Variants in LTBP2 observed in about 807,000 individuals in gnomAD.
LTBP2 encodes the protein latent transforming growth factor beta binding protein 2, also known as latent-transforming growth factor beta-binding protein 2.
In LTBP2, 103 loss-of-function variants were observed where a neutral mutation model predicts 210.6. The observed-to-expected ratio is 0.49, with a 90% CI of 0.42 to 0.58. The LOEUF (loss-of-function observed/expected upper bound fraction) is 0.58, where lower values mean the gene tolerates loss of function less well. LTBP2 is among the 20% of genes least tolerant of loss of function. The pLI is 0.00. For missense variants in LTBP2, 2,313 were observed against 2,494.5 expected (o/e 0.93, Z 1.55); for synonymous variants, 1,007 against 1,015.0 (o/e 0.99, Z 0.15).
At chr14:74,599,972 T>C (rs961248681) in intron 2 of LTBP2, among the ~76,000 whole-genome samples, 2 of 152,204 alleles carry the variant, frequency 1.3e-5, no homozygotes, top group Non-Finnish European at 2.9e-5. Context: ...GTGAAACTGC[T>C]AGGACAGAAT....
rs748534998 is a variant in LTBP2, at chr14:74,611,791, G to A, written c.154C>T (p.Arg52Ter). Residue 52 changes from arginine (R) to a stop codon, truncating the protein, a stop_gained, in exon 1 of 36, where the codon CGA becomes TGA. Transcript: ENST00000261978. LOFTEE classifies it high-confidence loss of function. ...TAGCTGCCCCCAGGGCGCCGCAGTC[G>A]ATTCGCGTCTCCACCAGCCGGCTCG... is the stretch of plus-strand genomic sequence containing the variant. Reference protein sequence around the residue: ...RYEPAGGDANRLRRPGGSYPA... With the variant: ...RYEPAGGDAN The A allele has an allele frequency of 1.2e-6, 2 of 1,610,896 alleles. No individual in the cohort carries two copies. The highest frequency in any genetic ancestry group is 1.7e-6 in the Non-Finnish European group (2 of 1,179,602).
chr14:74,553,089 G>A (rs1469852295), intron 4 of LTBP2, 27 bp from the exon 5 acceptor site: 3 of 1,612,340 alleles, frequency 1.9e-6, no homozygotes, highest in Non-Finnish European at 2.5e-6. Context: ...TGGGTCCAGG[G>A]GGCAGGGCTG....
In LTBP2 at chr14:74,585,999, G is replaced by C; in HGVS notation, c.685C>G (p.Pro229Ala). Residue 229 changes from proline to alanine, a missense_variant, in exon 3 of 36, where the codon CCC becomes GCC. Pro to Ala is a conservative substitution (Grantham distance 27). Transcript: ENST00000261978. ...EEVIPDEEFDPQNSRLAPRRW... is the reference protein window; with the variant it reads ...EEVIPDEEFDAQNSRLAPRRW... The stretch of plus-strand genomic sequence containing the variant: ...CGAGGTGCCAGCCTGGAGTTCTGGG[G>C]GTCAAATTCCTCATCGGGAATGACC... 6.2e-7 allele frequency: 1 copy of C among 1,611,266 alleles called. No individual in the cohort carries two copies. The highest frequency in any genetic ancestry group is 8.5e-7 in the Non-Finnish European group (1 of 1,178,904).
intron 3 of LTBP2, among the ~76,000 whole-genome samples, chr14:74,562,536 T>C (rs1566639754): frequency 6.6e-6 from 1 of 151,928 alleles, no homozygotes; most frequent in Non-Finnish European, 1.5e-5. Flanking sequence ...AAGATGAGTC[T>C]CCATAATATC....
intron 8 of LTBP2, among the ~76,000 whole-genome samples, chr14:74,545,460 G>A (rs1057393219): frequency 2.0e-5 from 3 of 152,206 alleles, no homozygotes; most frequent in Non-Finnish European, 4.4e-5. Context: ...GTTCTCCCTG[G>A]AGATACAGAG....
rs10146812 is a variant in LTBP2 at position 74,505,305 on chromosome 14, A to T, written c.4178-131T>A. 285,441 of 974,308 alleles carry T rather than the reference A, an allele frequency of 0.29. 44,513 individuals carry two copies. Among genetic ancestry groups the T allele is most frequent in the East Asian group, 0.53 (20,182 of 37,910 alleles). The allele number at this position is 974,308 out of a possible 1,614,324, so 60.4% of individuals were successfully genotyped here. On this transcript the variant is annotated intron_variant, in intron 28 of 35. Transcript: ENST00000261978. The stretch of plus-strand genomic sequence containing the variant: ...TGGAAAAAATTCTGTTACCTGTATT[A>T]CCTCACTGAGGCTCTCCACAACCCT...
At chr14:74,525,773 C>T (rs148990030) in intron 14 of LTBP2, among the ~76,000 whole-genome samples, 38 of 152,324 alleles carry the variant, frequency 2.5e-4, no homozygotes, top group African/African-American at 8.7e-4. Flanking sequence ...CAGCCAAACA[C>T]CTGTTTCAGC....
intron 6 of LTBP2, 79 bp from the exon 7 acceptor site, chr14:74,551,429 C>G: frequency 7.2e-7 from 1 of 1,389,414 alleles, no homozygotes; most frequent in African/African-American, 1.4e-5. Flanking sequence ...GTATCCACCA[C>G]CCCTGGGCCA....
intron 17 of LTBP2, 123 bp from the exon 18 acceptor site, chr14:74,517,064 G>T: frequency 7.7e-7 from 1 of 1,295,726 alleles, no homozygotes; most frequent in Admixed American, 2.0e-5. Context: ...GCCTGGGCAG[G>T]GAAGGCATGC....
Position 74,499,927 on chromosome 14 carries a change from G to T in LTBP2, c.*957C>A. The T allele has an allele frequency of 4.3e-6, 1 of 230,990 alleles. No individual in the cohort carries two copies. Among genetic ancestry groups the T allele is most frequent in the Non-Finnish European group, 8.6e-6 (1 of 116,618 alleles). The allele number at this position is 230,990 out of a possible 1,614,324, so 14.3% of individuals were successfully genotyped here. On this transcript the variant is annotated 3_prime_UTR_variant, in exon 36 of 36. Transcript: ENST00000261978. ...CAACATTGGAAATCTGGCTGCTTCTGAACAAGACCACACTGGAAAATAGAC... is the reference window on the plus strand; with the variant it reads ...CAACATTGGAAATCTGGCTGCTTCTTAACAAGACCACACTGGAAAATAGAC...
intron 18 of LTBP2, among the ~76,000 whole-genome samples, chr14:74,512,530 G>A (rs1400198539): frequency 7.2e-5 from 11 of 152,192 alleles, no homozygotes; most frequent in Non-Finnish European, 8.8e-5. Context: ...AGAGGACATG[G>A]ACCTTAAAGT....
intron 3 of LTBP2, among the ~76,000 whole-genome samples, chr14:74,570,946 C>T (rs1028845840): frequency 6.6e-6 from 1 of 152,062 alleles, no homozygotes; most frequent in South Asian, 2.1e-4. Context: ...CAGATAACCC[C>T]CGAGGCAGGG....
chr14:74,515,548 C>T (rs1274814222), intron 18 of LTBP2, among the ~76,000 whole-genome samples: 7 of 152,142 alleles, frequency 4.6e-5, no homozygotes, highest in African/African-American at 1.7e-4. Flanking sequence ...TGAGCCACCG[C>T]GCCCAGCCTA....
At chr14:74,577,204 AAAAG>A (rs2088069522) in intron 3 of LTBP2, among the ~76,000 whole-genome samples, 1 of 152,070 alleles carries the variant, frequency 6.6e-6, no homozygotes, top group Non-Finnish European at 1.5e-5. Context: ...CTAAAAAAAG[AAAAG>A]AAAGAGAGAG....
chr14:74,564,717 G>T (rs1566641480), intron 3 of LTBP2, among the ~76,000 whole-genome samples: 1 of 151,914 alleles, frequency 6.6e-6, no homozygotes, highest in Non-Finnish European at 1.5e-5. Flanking sequence ...CTTTCTTTGT[G>T]CCATGTTCTG....
At chr14:74,593,304 C>T (rs960509342) in intron 2 of LTBP2, among the ~76,000 whole-genome samples, 3 of 152,138 alleles carry the variant, frequency 2.0e-5, no homozygotes, top group Admixed American at 2.0e-4. Flanking sequence ...TGCTCAGAGC[C>T]CCTGCTCATT....
chr14:74,518,202 T>C (rs2087158878), intron 17 of LTBP2, among the ~76,000 whole-genome samples: 1 of 152,096 alleles, frequency 6.6e-6, no homozygotes, highest in African/African-American at 2.4e-5. Flanking sequence ...CTTCACAGAG[T>C]CCTTGTGCAG....
At chr14:74,536,119 C>T (rs2087418911) in intron 8 of LTBP2, 119 bp from the exon 9 acceptor site, 2 of 836,412 alleles carry the variant, frequency 2.4e-6, no homozygotes, top group Non-Finnish European at 4.0e-6. Flanking sequence ...GAGCCCCAGC[C>T]CCCGAAGCCA....
At chr14:74,503,841 A>G (rs2086947691) in intron 31 of LTBP2, 85 bp downstream of exon 31, 1 of 1,581,138 alleles carries the variant, frequency 6.3e-7, no homozygotes, top group African/African-American at 1.3e-5. Context: ...ACTCTCAGCA[A>G]TAATGGGACT....
Sources: gnomAD v4.1 joint callset for allele counts (sites outside exome capture counted in the v4.1 genomes callset) on GRCh38, gnomAD v4.1.1 for gene constraint, MANE v1.5 for transcripts, NCBI Gene and HGNC (gene_info 2026-07-23, HGNC 2026-07-21) for gene names.